TUNAR: variants seen among roughly 807,000 people sequenced by gnomAD.
TUNAR encodes the protein transmembrane neural differentiation associated intracellular calcium regulator, also known as protein TUNAR.
At chr14:95,896,438 C>G (rs1337572658) in intron 2 of TUNAR, among the ~76,000 whole-genome samples, 1 of 152,176 alleles carries the variant, frequency 6.6e-6, no homozygotes, top group Non-Finnish European at 1.5e-5. Flanking sequence ...CACTGCAGCC[C>G]CACCTCCTGG....
At chr14:95,913,881 A>T (rs1190289583) in intron 2 of TUNAR, among the ~76,000 whole-genome samples, 2 of 152,118 alleles carry the variant, frequency 1.3e-5, no homozygotes, top group African/African-American at 2.4e-5. Context: ...TACAGGTGCC[A>T]GCCACCACAC....
chr14:95,915,806 G>C (rs1368631873), intron 2 of TUNAR, among the ~76,000 whole-genome samples: 2 of 152,236 alleles, frequency 1.3e-5, no homozygotes, highest in South Asian at 2.1e-4. Context: ...GTGCTCATCG[G>C]AAGCAGCCCA....
At chr14:95,898,885 C>T (rs368232749) in intron 2 of TUNAR, among the ~76,000 whole-genome samples, 43 of 152,242 alleles carry the variant, frequency 2.8e-4, no homozygotes, top group Middle Eastern at 3.4e-3. Context: ...CTTTTCGTTT[C>T]GAGTTGAAAA....
chr14:95,923,029 C>T lies in TUNAR; in HGVS notation c.*63C>T, dbSNP rs114195085. 2.8e-3 allele frequency: 1,105 copies of T among 398,926 alleles called. 13 individuals are homozygous for T. The highest frequency in any genetic ancestry group is 0.02 in the African/African-American group (984 of 48,754). The allele number at this position is 398,926 out of a possible 1,614,324, so 24.7% of individuals were successfully genotyped here. Reference sequence around the variant, plus strand: ...AAGACGGAAGTCCTGCGTGTCGGCGCATCACTGACCAGACCCTGCGAGAAC... The same window carrying T: ...AAGACGGAAGTCCTGCGTGTCGGCGTATCACTGACCAGACCCTGCGAGAAC... On this transcript the variant is annotated 3_prime_UTR_variant, in exon 3 of 3. Transcript: ENST00000678517.
At chr14:95,891,639 A>C (rs1595117598) in intron 2 of TUNAR, among the ~76,000 whole-genome samples, 1 of 152,320 alleles carries the variant, frequency 6.6e-6, no homozygotes, top group African/African-American at 2.4e-5. Flanking sequence ...CTCGCTACAC[A>C]TGCAGTTGGG....
intron 2 of TUNAR, among the ~76,000 whole-genome samples, chr14:95,911,797 C>T (rs1302648551): frequency 1.3e-5 from 2 of 152,192 alleles, no homozygotes; most frequent in African/African-American, 4.8e-5. Flanking sequence ...CCTTTTAGCA[C>T]ATCAGGGAGC....
At chr14:95,911,152 C>CGGAA in intron 2 of TUNAR, among the ~76,000 whole-genome samples, 1 of 152,210 alleles carries the variant, frequency 6.6e-6, no homozygotes, top group Non-Finnish European at 1.5e-5. Context: ...CCCCGCTTCC[C>CGGAA]CCTCCAGCCT....
intron 2 of TUNAR, among the ~76,000 whole-genome samples, chr14:95,888,810 G>T (rs1020739072): frequency 1.4e-5 from 2 of 138,914 alleles, no homozygotes; most frequent in South Asian, 2.5e-4. Flanking sequence ...GAGGGGATGG[G>T]GGGGGCAGTT....
At chr14:95,887,569 A>G (rs1474935937) in intron 2 of TUNAR, among the ~76,000 whole-genome samples, 5 of 152,348 alleles carry the variant, frequency 3.3e-5, no homozygotes, top group Non-Finnish European at 7.3e-5. Context: ...CGTGCAACAT[A>G]AAGGAATTGT....
chr14:95,891,542 C>T (rs1889180643), intron 2 of TUNAR, among the ~76,000 whole-genome samples: 1 of 152,242 alleles, frequency 6.6e-6, no homozygotes, highest in African/African-American at 2.4e-5. Flanking sequence ...CCTCAGGAGC[C>T]TGCCCAGGGC....
chr14:95,898,283 T>A (rs1231526816), intron 2 of TUNAR, among the ~76,000 whole-genome samples: 1 of 152,206 alleles, frequency 6.6e-6, no homozygotes, highest in Non-Finnish European at 1.5e-5. Flanking sequence ...TATTCTCTAT[T>A]TGTCTTGTCC....
chr14:95,913,801 C>T (rs1405975442), intron 2 of TUNAR, among the ~76,000 whole-genome samples: 1 of 152,126 alleles, frequency 6.6e-6, no homozygotes, highest in East Asian at 1.9e-4. Flanking sequence ...GGCACGATCT[C>T]AGCTCCCTGC....
chr14:95,891,283 C>T (rs982086642), intron 2 of TUNAR, among the ~76,000 whole-genome samples: 1 of 152,204 alleles, frequency 6.6e-6, no homozygotes, highest in African/African-American at 2.4e-5. Flanking sequence ...TTCACTCACC[C>T]ACCTCCGAGT....
At chr14:95,905,803 T>C (rs1354586520) in intron 2 of TUNAR, among the ~76,000 whole-genome samples, 3 of 152,242 alleles carry the variant, frequency 2.0e-5, no homozygotes, top group Admixed American at 2.0e-4. Flanking sequence ...TGTTTCTCTC[T>C]GTCTTTGTAG....
intron 2 of TUNAR, among the ~76,000 whole-genome samples, chr14:95,908,399 A>G (rs1398433292): frequency 3.9e-5 from 6 of 152,154 alleles, no homozygotes; most frequent in Non-Finnish European, 5.9e-5. Flanking sequence ...ACTCTGATGG[A>G]GGCTCTTTCT....
At chr14:95,877,979 C>T (rs1214301117) in intron 2 of TUNAR, among the ~76,000 whole-genome samples, 1 of 152,266 alleles carries the variant, frequency 6.6e-6, no homozygotes, top group Non-Finnish European at 1.5e-5. Context: ...GTGTGCCCAG[C>T]ACATGCTAGG....
At chr14:95,888,700 G>A (rs779343150) in intron 2 of TUNAR, among the ~76,000 whole-genome samples, 3 of 152,130 alleles carry the variant, frequency 2.0e-5, no homozygotes, top group Admixed American at 6.5e-5. Flanking sequence ...GTGCGTGGGG[G>A]TGTCTGTCTC....
chr14:95,908,071 C>T (rs1889452420), intron 2 of TUNAR, among the ~76,000 whole-genome samples: 1 of 152,198 alleles, frequency 6.6e-6, no homozygotes, highest in Admixed American at 6.5e-5. Context: ...GCCTTCAGGC[C>T]CTCCCTGGCC....
chr14:95,892,313 A>T (rs1889192630), intron 2 of TUNAR, among the ~76,000 whole-genome samples: 1 of 152,256 alleles, frequency 6.6e-6, no homozygotes, highest in South Asian at 2.1e-4. Flanking sequence ...CAGGAGGGAC[A>T]TGAAGTCAGC....
Sources: allele counts gnomAD v4.1 joint callset (sites outside exome capture counted in the v4.1 genomes callset), GRCh38; gene constraint gnomAD v4.1.1; transcripts MANE v1.5; gene names NCBI Gene and HGNC (gene_info 2026-07-23, HGNC 2026-07-21).